ZXDC: variants seen among roughly 807,000 people sequenced by gnomAD.
ZXDC encodes zinc finger protein ZXDC.
Under a neutral mutation model 63.6 loss-of-function variants are expected in ZXDC, and 58 were observed. The ratio of observed to expected loss-of-function variants is 0.91; its 90% CI spans 0.74 to 1.13. ZXDC has a LOEUF of 1.13. Ranked by LOEUF, ZXDC falls within the 50% of genes most tolerant of loss-of-function variation. ZXDC has a pLI of 0.00. For synonymous variants in ZXDC, 561 were observed against 496.1 expected, an observed-to-expected ratio of 1.13 and a Z score of -1.74; for missense variants, 1,133 against 1,148.9, an observed-to-expected ratio of 0.99 and a Z score of 0.20.
Position 126,461,577 on chromosome 3 carries a change from G to A in ZXDC, c.2085C>T (p.Ala695=), listed in dbSNP as rs1176743894. The A allele has an allele frequency of 1.9e-6, 3 of 1,614,084 alleles. No individual in the cohort carries two copies. Among genetic ancestry groups the A allele is most frequent in the Non-Finnish European group, 2.5e-6 (3 of 1,179,964 alleles). Residue 695 remains alanine, a synonymous_variant, in exon 6 of 10, where the codon GCC becomes GCT. Coordinates refer to ENST00000389709, the MANE Select transcript of ZXDC (RefSeq NM_025112.5). ...TGCCTGCACTGAGCTCTGTGTCCTG[G>A]GCACCGTGCTGCTCTGCTGGACTGG... ...TLPSPAEQHG[A]QDTELSAGTG...
chr3:126,459,321 T>C, intron 7 of ZXDC: 1 of 985,456 alleles, frequency 1.0e-6, no homozygotes, highest in Non-Finnish European at 1.2e-6. Context: ...CCAAGGCCAT[T>C]CAGCACCAGG....
intron 5 of ZXDC, among the ~76,000 whole-genome samples, chr3:126,464,745 C>A (rs988958595): frequency 3.3e-5 from 5 of 152,132 alleles, no homozygotes; most frequent in African/African-American, 9.7e-5. Context: ...TCTCACAGAG[C>A]CCTCAGAGAA....
chr3:126,448,080 C>T (rs1414281838), intron 7 of ZXDC, among the ~76,000 whole-genome samples: 1 of 152,246 alleles, frequency 6.6e-6, no homozygotes, highest in Admixed American at 6.5e-5. Context: ...GGACCTACAC[C>T]TCACAGGATT....
At chr3:126,453,245 A>C in intron 7 of ZXDC, 1 of 985,434 alleles carries the variant, frequency 1.0e-6, no homozygotes, top group Non-Finnish European at 1.2e-6. Flanking sequence ...ATCTCTAGGT[A>C]TTCCAAAGAA....
At position 126,472,203 on chromosome 3, in the gene ZXDC, T is replaced by G. The variant is rs1560106347; in HGVS notation, c.1010A>C (p.Lys337Thr). The change falls in exon 2 of 10, where the codon AAG becomes ACG. Residue 337 changes from lysine (K) to threonine (T), a missense_variant. Physicochemically the swap from Lys to Thr is moderately conservative, Grantham distance 78 (BLOSUM62 -1). Coordinates refer to ENST00000389709, the MANE Select transcript of ZXDC (RefSeq NM_025112.5). ...LFSCSFPGCS[K>T]QYDKACRLKI... The stretch of plus-strand genomic sequence containing the variant: ...CAGCCGACAGGCTTTATCATACTGC[T>G]TGCTGCACCCAGGAAAGGAGCAGGA... 6.2e-7 allele frequency: 1 copy of G among 1,613,454 alleles called. No homozygotes were observed. Among genetic ancestry groups the G allele is most frequent in the South Asian group, 1.1e-5 (1 of 91,066 alleles).
In ZXDC at chr3:126,462,069, C is replaced by T. The variant is rs563867432; in HGVS notation, c.1593G>A (p.Glu531=). 4.3e-6 allele frequency: 7 copies of T among 1,614,142 alleles called. No individual in the cohort carries two copies. The Admixed American group carries it at 1.0e-4, about 23-fold the overall frequency. Residue 531 remains glutamate (E), a synonymous_variant, in exon 6 of 10, where the codon GAG becomes GAA. Coordinates refer to ENST00000389709, the MANE Select transcript of ZXDC (RefSeq NM_025112.5). The part of the protein sequence containing the change: ...NASGSAGGSD[E]ALNSGILTID... ...TAGTCAGGATTCCGGAGTTCAGAGC[C>T]TCATCCGACCCACCTGCAGAACCAC...
At chr3:126,471,145 C>T (rs1041077559) in intron 3 of ZXDC, 120 bp from the exon 4 acceptor site, 3 of 1,361,718 alleles carry the variant, frequency 2.2e-6, no homozygotes, top group Non-Finnish European at 3.0e-6. Flanking sequence ...CAGTACATTT[C>T]GGAAAATCTT....
chr3:126,451,937 A>G lies in ZXDC; in HGVS notation c.2212+7716T>C, dbSNP rs1355836607. On this transcript the variant is annotated intron_variant, in intron 7 of 9. Coordinates refer to ENST00000389709, the MANE Select transcript of ZXDC (RefSeq NM_025112.5). Reference sequence around the variant, plus strand: ...TTACTGCATGTGAAGGACACACGACAAAAAGAACAAGGGCAGGCTGCCCCC... The same window carrying G: ...TTACTGCATGTGAAGGACACACGACGAAAAGAACAAGGGCAGGCTGCCCCC... 5 of 985,322 alleles carry G rather than the reference A, an allele frequency of 5.1e-6. No homozygotes were observed. The African/African-American group carries it at 7.0e-5, about 14-fold the overall frequency. 61.0% of individuals were successfully genotyped at this position (985,322 alleles called of 1,614,324 possible).
chr3:126,441,631 G>A, intron 8 of ZXDC, 134 bp downstream of exon 8: 1 of 1,425,346 alleles, frequency 7.0e-7, no homozygotes, highest in Middle Eastern at 2.6e-4. Flanking sequence ...CAGTCTACAG[G>A]GGAGGATGCA....
chr3:126,439,715 C>T lies in ZXDC; in HGVS notation c.2407G>A (p.Gly803Ser), dbSNP rs1384776798. 7.7e-6 allele frequency: 12 copies of T among 1,551,310 alleles called. No individual in the cohort carries two copies. Among genetic ancestry groups the T allele is most frequent in the African/African-American group, 2.7e-5 (2 of 73,096 alleles). Residue 803 changes from glycine (G) to serine (S), a missense_variant, in exon 9 of 10, where the codon GGC (glycine) becomes AGC (serine). By Grantham distance (56) the Gly-to-Ser change is moderately conservative. Coordinates refer to ENST00000389709, the MANE Select transcript of ZXDC (RefSeq NM_025112.5). ...QVQLVQDDPS[G>S]EGVLPSARGP... ...CGGGCCGAGGGCAGGACACCTTCGC[C>T]GGAGGGGTCATCCTGGGAAGGCAAC...
chr3:126,473,634 C>G (rs1368604704), intron 1 of ZXDC, among the ~76,000 whole-genome samples: 1 of 152,198 alleles, frequency 6.6e-6, no homozygotes, highest in Non-Finnish European at 1.5e-5. Context: ...CTAGTGGCCT[C>G]AAGCCACATT....
intron 8 of ZXDC, chr3:126,440,700 T>C (rs1933641530): frequency 2.0e-6 from 2 of 985,666 alleles, no homozygotes; most frequent in Admixed American, 6.1e-5. Flanking sequence ...CCAGTGCTCC[T>C]GCCCCTCTCT....
Position 126,457,520 on chromosome 3 carries a change from G to A in ZXDC, c.2212+2133C>T, listed in dbSNP as rs141380619. 2.5e-5 allele frequency: 25 copies of A among 985,356 alleles called. No individual in the cohort carries two copies. The East Asian group carries it at 7.9e-4, about 31-fold the overall frequency. 61.0% of individuals were successfully genotyped at this position (985,356 alleles called of 1,614,324 possible). ...ACATTCTCCTGCTGCACTCACACAC[G>A]GAGACCTAGCAGGTACCAGGTTTCC... is the stretch of plus-strand genomic sequence containing the variant. On this transcript the variant is annotated intron_variant, in intron 7 of 9. Transcript: ENST00000389709.
At chr3:126,448,461 T>A (rs1933966260) in intron 7 of ZXDC, among the ~76,000 whole-genome samples, 2 of 152,130 alleles carry the variant, frequency 1.3e-5, no homozygotes, top group South Asian at 2.1e-4. Flanking sequence ...GAGAGGCCAC[T>A]GACAGGACCC....
At chr3:126,464,382 C>T (rs1045312936) in intron 5 of ZXDC, among the ~76,000 whole-genome samples, 5 of 152,190 alleles carry the variant, frequency 3.3e-5, no homozygotes, top group African/African-American at 9.7e-5. Flanking sequence ...AACCCACTCC[C>T]AGGACCACCA....
chr3:126,450,279 C>T lies in ZXDC; in HGVS notation c.2213-8333G>A, dbSNP rs747779692. The T allele has an allele frequency of 7.9e-5, 36 of 453,120 alleles. 1 individual carries two copies. The highest frequency in any genetic ancestry group is 5.2e-4 in the South Asian group (33 of 64,014). 28.1% of individuals were successfully genotyped at this position (453,120 alleles called of 1,614,324 possible). A position where few individuals can be genotyped will look rare whatever the true frequency, so the allele number is the denominator to read the frequency against. On this transcript the variant is annotated intron_variant, in intron 7 of 9. Transcript: ENST00000389709. ...AGGGTCAGTGGTGTGGAGGGAGCCA[C>T]GAGGGACTGCTGGGCAAAATTCTCC...
chr3:126,457,809 G>T, intron 7 of ZXDC: 1 of 337,808 alleles, frequency 3.0e-6, no homozygotes, highest in Non-Finnish European at 4.2e-6. Flanking sequence ...ACCAGAGGCT[G>T]GGGGTCTCCT....
At chr3:126,442,136 A>G (rs1316062090) in intron 7 of ZXDC, 190 bp from the exon 8 acceptor site, 1 of 564,528 alleles carries the variant, frequency 1.8e-6, no homozygotes, top group African/African-American at 1.9e-5. Flanking sequence ...TACGAACAAA[A>G]AAACATCAGG....
chr3:126,464,476 C>T (rs954434570), intron 5 of ZXDC, among the ~76,000 whole-genome samples: 3 of 152,148 alleles, frequency 2.0e-5, no homozygotes, highest in African/African-American at 7.2e-5. Flanking sequence ...TTTCACTAGA[C>T]GAAAGGGTGA....
Sources: allele counts gnomAD v4.1 joint callset (sites outside exome capture counted in the v4.1 genomes callset), GRCh38; gene constraint gnomAD v4.1.1; transcripts MANE v1.5; gene names NCBI Gene and HGNC (gene_info 2026-07-23, HGNC 2026-07-21).